The following ZNG1F variants were observed in gnomAD, a reference collection of about 807,000 sequenced individuals.
The protein encoded by ZNG1F is Zn regulated GTPase metalloprotein activator 1F.
the ZNG1F span, among the ~76,000 whole-genome samples, chr9:41,174,504 A>T: frequency 6.9e-6 from 1 of 144,336 alleles, no homozygotes; most frequent in South Asian, 2.2e-4. Context: ...AACTATTTAT[A>T]GCAAAAGGGA....
At chr9:41,182,134 TAA>T in the ZNG1F span, among the ~76,000 whole-genome samples, 2 of 95,654 alleles carry the variant, frequency 2.1e-5, no homozygotes, top group Admixed American at 2.3e-4. Flanking sequence ...CAAATAATCC[TAA>T]GTCAATCAAT....
chr9:41,169,855 G>A, the ZNG1F span, among the ~76,000 whole-genome samples: 1 of 144,412 alleles, frequency 6.9e-6, no homozygotes, highest in Non-Finnish European at 1.5e-5. Flanking sequence ...CAATAAAGCT[G>A]GGGGGTTAGA....
the ZNG1F span, among the ~76,000 whole-genome samples, chr9:41,155,889 C>T: frequency 1.6e-4 from 21 of 131,692 alleles, no homozygotes; most frequent in Admixed American, 3.3e-4. Flanking sequence ...TGCTAGATGA[C>T]GAGTTAGTGG....
chr9:41,132,556 C>A, the ZNG1F span: 1 of 1,379,668 alleles, frequency 7.2e-7, no homozygotes, highest in Non-Finnish European at 9.4e-7. Context: ...AAAAAGGTTT[C>A]TGTGTATTGA....
At chr9:41,173,885 A>G in the ZNG1F span, among the ~76,000 whole-genome samples, 1 of 148,996 alleles carries the variant, frequency 6.7e-6, no homozygotes, top group Non-Finnish European at 1.5e-5. Flanking sequence ...TAAAGTTATA[A>G]TATGAATGAA....
chr9:41,165,004 A>G, the ZNG1F span: 1 of 1,587,690 alleles, frequency 6.3e-7, no homozygotes, highest in Non-Finnish European at 8.5e-7. Flanking sequence ...TTTGTACCTA[A>G]GTGTCGTTCT....
At chr9:41,135,833 G>T in the ZNG1F span, among the ~76,000 whole-genome samples, 1 of 132,030 alleles carries the variant, frequency 7.6e-6, no homozygotes, top group African/African-American at 3.1e-5. Context: ...CTCTGCAAAA[G>T]TTCTTTAGTT....
chr9:41,166,505 A>T, the ZNG1F span, among the ~76,000 whole-genome samples: 1 of 142,030 alleles, frequency 7.0e-6, no homozygotes, highest in Non-Finnish European at 1.5e-5. Flanking sequence ...ATTGTATAAC[A>T]AGAAAATATT....
At chr9:41,183,267 T>G in the ZNG1F span, among the ~76,000 whole-genome samples, 8 of 142,570 alleles carry the variant, frequency 5.6e-5, no homozygotes, top group African/African-American at 2.1e-4. Flanking sequence ...CAATGACAGA[T>G]TAAATTCAGA....
At chr9:41,180,662 G>GTGTGTGTGTGTGTATAAA in the ZNG1F span, among the ~76,000 whole-genome samples, 2 of 95,890 alleles carry the variant, frequency 2.1e-5, no homozygotes, top group African/African-American at 9.3e-5. Context: ...GTGTATGAAT[G>GTGTGTGTGTGTGTATAAA]TGTGTGTGTG....
chr9:41,159,148 A>C, the ZNG1F span, among the ~76,000 whole-genome samples: 198 of 150,996 alleles, frequency 1.3e-3, 5 homozygotes, highest in East Asian at 0.037. Context: ...AATTGCAGCT[A>C]CTGCTTAGGG....
the ZNG1F span, chr9:41,132,105 GACC>G: frequency 6.5e-7 from 1 of 1,547,836 alleles, no homozygotes; most frequent in South Asian, 1.2e-5. Flanking sequence ...ATGAAACATT[GACC>G]ACAAGCTTAT....
At chr9:41,137,276 G>C in the ZNG1F span, among the ~76,000 whole-genome samples, 34 of 149,168 alleles carry the variant, frequency 2.3e-4, no homozygotes, top group Non-Finnish European at 4.5e-4. Context: ...GTATCTGCAT[G>C]GTTTTGAAGG....
chr9:41,166,435 T>A, the ZNG1F span, among the ~76,000 whole-genome samples: 19,173 of 61,336 alleles, frequency 0.31, 1,048 homozygotes, highest in Middle Eastern at 0.43. Flanking sequence ...TAATAATAAT[T>A]ATTATTATAC....
At chr9:41,180,938 C>T in the ZNG1F span, among the ~76,000 whole-genome samples, 3 of 148,412 alleles carry the variant, frequency 2.0e-5, no homozygotes, top group African/African-American at 5.0e-5. Context: ...GCCTCAGCCT[C>T]CCAAAGTGCT....
the ZNG1F span, among the ~76,000 whole-genome samples, chr9:41,141,139 A>C: frequency 6.6e-6 from 1 of 151,670 alleles, no homozygotes; most frequent in East Asian, 1.9e-4. Context: ...TAAAAATTAA[A>C]GCTCAAGAAG....
chr9:41,159,234 G>A, the ZNG1F span, among the ~76,000 whole-genome samples: 1 of 149,532 alleles, frequency 6.7e-6, no homozygotes, highest in Non-Finnish European at 1.5e-5. Flanking sequence ...CAAGTATCCA[G>A]TATCTACAAT....
At chr9:41,203,997 GC>G in the ZNG1F span, among the ~76,000 whole-genome samples, 1 of 59,364 alleles carries the variant, frequency 1.7e-5, no homozygotes, top group Non-Finnish European at 3.6e-5. Flanking sequence ...TTTTTGGTTT[GC>G]TGTTTAAAAT....
the ZNG1F span, among the ~76,000 whole-genome samples, chr9:41,185,671 C>CA: frequency 1.3e-4 from 19 of 151,664 alleles, no homozygotes; most frequent in East Asian, 3.9e-4. Flanking sequence ...GACTCCATCT[C>CA]AAAAAAAATA....
Sources: gnomAD v4.1 joint callset for allele counts (sites outside exome capture counted in the v4.1 genomes callset) on GRCh38, gnomAD v4.1.1 for gene constraint, MANE v1.5 for transcripts, NCBI Gene and HGNC (gene_info 2026-07-23, HGNC 2026-07-21) for gene names.